FAM118A: variants seen among roughly 807,000 people sequenced by gnomAD.
The protein encoded by FAM118A is protein FAM118A.
In FAM118A, 25 loss-of-function variants were observed where a neutral mutation model predicts 38.2. The ratio of observed to expected loss-of-function variants is 0.65; its 90% CI spans 0.48 to 0.91. The LOEUF is 0.91. FAM118A is among the 40% of genes least tolerant of loss of function. The pLI is 0.00. For synonymous variants in FAM118A, 178 were observed against 184.1 expected, an observed-to-expected ratio of 0.97 and a Z score of 0.27; for missense variants, 425 against 463.3, an observed-to-expected ratio of 0.92 and a Z score of 0.76.
intron 4 of FAM118A, chr22:45,330,071 TAGC>T (rs775502167): frequency 2.0e-5 from 3 of 152,232 alleles, no homozygotes; most frequent in Non-Finnish European, 4.4e-5. Flanking sequence ...AATACAGAAA[TAGC>T]AGTAATTAAA....
At chr22:45,313,625 G>T (rs868680968) in intron 1 of FAM118A, among the ~76,000 whole-genome samples, 1 of 152,118 alleles carries the variant, frequency 6.6e-6, no homozygotes, top group Non-Finnish European at 1.5e-5. Context: ...TCCCAGCCAA[G>T]TTGTGAGGGC....
intron 8 of FAM118A, among the ~76,000 whole-genome samples, chr22:45,338,929 G>A (rs1314568022): frequency 6.6e-6 from 1 of 152,210 alleles, no homozygotes; most frequent in Non-Finnish European, 1.5e-5. Flanking sequence ...AAATAAGGCA[G>A]TTCTAAAAGG....
rs1466605899 is a variant in FAM118A at position 45,336,308 on chromosome 22, A to C, written c.971-20A>C. ...TGGATTCTGAATAAACAAGCTTCTT[A>C]ATAAATTCTTCTCTTTTAGGTAATG... On this transcript the variant is annotated intron_variant, in intron 7 of 8. Coordinates refer to ENST00000441876, the MANE Select transcript of FAM118A (RefSeq NM_017911.4). 1 of 1,597,176 alleles carries C rather than the reference A, an allele frequency of 6.3e-7. No individual in the cohort carries two copies. The highest frequency in any genetic ancestry group is 1.7e-4 in the Middle Eastern group (1 of 6,020).
chr22:45,309,605 C>G (rs2084276634), upstream of FAM118A: 1 of 152,342 alleles, frequency 6.6e-6, no homozygotes, highest in Admixed American at 6.5e-5. Context: ...TGCTCCCGCC[C>G]CCTTTCTGCA....
intron 2 of FAM118A, among the ~76,000 whole-genome samples, 162 bp from the exon 3 acceptor site, chr22:45,323,013 G>A (rs571825924): frequency 3.2e-4 from 48 of 150,846 alleles, no homozygotes; most frequent in African/African-American, 1.1e-3. Flanking sequence ...AGGATACACA[G>A]GCCGTCTCCC....
chr22:45,335,833 C>G (rs1348008686), intron 7 of FAM118A, among the ~76,000 whole-genome samples: 2 of 152,218 alleles, frequency 1.3e-5, no homozygotes, highest in African/African-American at 4.8e-5. Context: ...TCAATTCTGC[C>G]TGTTTATAAA....
Position 45,323,289 on chromosome 22 carries a change from C to G in FAM118A, c.162C>G (p.Ser54Arg). Residue 54 changes from serine (S) to arginine (R), a missense_variant, in exon 3 of 9, where the codon AGC (serine) becomes AGG (arginine). Transcript: ENST00000441876. ...PGIPALCSWRSCIEAVIEAAE... is the reference protein window; with the variant it reads ...PGIPALCSWRRCIEAVIEAAE... ...TCCCTGCCCTTTGCTCGTGGAGAAG[C>G]TGCATCGAGGCCGTCATCGAGGCTG... 1 of 1,614,208 alleles carries G rather than the reference C, an allele frequency of 6.2e-7. No individual in the cohort carries two copies. The highest frequency in any genetic ancestry group is 1.1e-5 in the South Asian group (1 of 91,086).
At chr22:45,316,457 A>G (rs567621982) in intron 1 of FAM118A, among the ~76,000 whole-genome samples, 46 of 152,292 alleles carry the variant, frequency 3.0e-4, no homozygotes, top group African/African-American at 1.0e-3. Flanking sequence ...AGAGGAGGAT[A>G]TTAATGAGCA....
intron 1 of FAM118A, among the ~76,000 whole-genome samples, chr22:45,315,135 T>A (rs1177432741): frequency 6.6e-6 from 1 of 152,252 alleles, no homozygotes; most frequent in East Asian, 1.9e-4. Context: ...TAAACTAAAT[T>A]TGAATTAGAT....
intron 5 of FAM118A, 52 bp downstream of exon 5, chr22:45,330,783 G>T: frequency 1.4e-6 from 2 of 1,453,794 alleles, no homozygotes; most frequent in Non-Finnish European, 1.8e-6. Context: ...ATTACTGGTG[G>T]CCACTGGCCA....
chr22:45,327,197 A>C, intron 3 of FAM118A, among the ~76,000 whole-genome samples: 1 of 151,704 alleles, frequency 6.6e-6, no homozygotes, highest in East Asian at 1.9e-4. Flanking sequence ...CTATCCTGGC[A>C]CCACTGTGCT....
intron 5 of FAM118A, 101 bp from the exon 6 acceptor site, chr22:45,332,324 C>A: frequency 7.8e-7 from 1 of 1,284,874 alleles, no homozygotes; most frequent in Non-Finnish European, 1.1e-6. Context: ...GAACGCCTGT[C>A]AGGGAGCAGT....
intron 2 of FAM118A, 56 bp from the exon 3 acceptor site, chr22:45,323,119 T>C: frequency 6.3e-7 from 1 of 1,594,302 alleles, no homozygotes; most frequent in African/African-American, 1.3e-5. Context: ...CCAGACTTTG[T>C]GTTTGCAATG....
At chr22:45,328,523 T>C (rs2085475954) in intron 4 of FAM118A, 2 of 749,050 alleles carry the variant, frequency 2.7e-6, no homozygotes, top group Admixed American at 3.8e-5. Context: ...TCCCCGCTAC[T>C]GGGGAGGCCG....
At chr22:45,318,839 T>G (rs560801125) in intron 1 of FAM118A, 1 of 152,236 alleles carries the variant, frequency 6.6e-6, no homozygotes, top group East Asian at 1.9e-4. Context: ...GGACTCCGTG[T>G]GGTTGTGTTT....
At chr22:45,326,824 CAAAAAAAAAAA>C (rs36188767) in intron 3 of FAM118A, among the ~76,000 whole-genome samples, 1 of 40,476 alleles carries the variant, frequency 2.5e-5, no homozygotes, top group Non-Finnish European at 4.8e-5. Context: ...GACTCTGTCT[CAAAAAAAAAAA>C]AAAAAAAAAA....
chr22:45,318,934 C>T (rs943734355), intron 1 of FAM118A: 2 of 152,144 alleles, frequency 1.3e-5, no homozygotes, highest in African/African-American at 4.8e-5. Context: ...CACAGACCAC[C>T]CAGGAGTGCG....
chr22:45,319,882 T>G (rs1388147695), intron 1 of FAM118A, among the ~76,000 whole-genome samples: 1 of 152,210 alleles, frequency 6.6e-6, no homozygotes, highest in Non-Finnish European at 1.5e-5. Flanking sequence ...CAGGCATCTG[T>G]GAGCCTCGTT....
At chr22:45,326,251 T>G (rs1036602618) in intron 3 of FAM118A, among the ~76,000 whole-genome samples, 7 of 147,840 alleles carry the variant, frequency 4.7e-5, no homozygotes, top group African/African-American at 1.7e-4. Context: ...CAGCCCTTCC[T>G]TTTTCTCTTG....
Sources: gnomAD v4.1 joint callset for allele counts (sites outside exome capture counted in the v4.1 genomes callset) on GRCh38, gnomAD v4.1.1 for gene constraint, MANE v1.5 for transcripts, NCBI Gene and HGNC (gene_info 2026-07-23, HGNC 2026-07-21) for gene names.